The following ATP11B variants were observed in gnomAD, a reference collection of about 807,000 sequenced individuals.
The protein encoded by ATP11B is phospholipid-transporting ATPase IF.
Under a neutral mutation model 157.8 loss-of-function variants are expected in ATP11B, and 81 were observed. The ratio of observed to expected loss-of-function variants is 0.51; its 90% CI spans 0.43 to 0.62. The LOEUF (loss-of-function observed/expected upper bound fraction) is 0.62, where lower values mean the gene tolerates loss of function less well. Ranked by LOEUF, ATP11B falls within the 20% of genes least tolerant of loss-of-function variation. The probability of loss-of-function intolerance (pLI) is 0.00; values close to 1 mark genes in which losing one functional copy is unlikely to be tolerated. For missense variants in ATP11B, 1,165 were observed against 1,402.2 expected, an observed-to-expected ratio of 0.83 and a Z score of 2.70; for synonymous variants, 451 against 469.4, an observed-to-expected ratio of 0.96 and a Z score of 0.51.
intron 1 of ATP11B, among the ~76,000 whole-genome samples, chr3:182,805,876 C>T (rs919884272): frequency 6.6e-6 from 1 of 152,108 alleles, no homozygotes; most frequent in African/African-American, 2.4e-5. Flanking sequence ...AATATTTTCT[C>T]CCATAATGTG....
At chr3:182,897,857 T>C (rs1723663888) in intron 27 of ATP11B, among the ~76,000 whole-genome samples, 1 of 152,122 alleles carries the variant, frequency 6.6e-6, no homozygotes, top group African/African-American at 2.4e-5. Context: ...GTATGCATCA[T>C]CTTCATTGAT....
chr3:182,908,191 A>ATTTT (rs1724508207), intron 28 of ATP11B, among the ~76,000 whole-genome samples: 1 of 95,916 alleles, frequency 1.0e-5, no homozygotes. Context: ...TCATATTATT[A>ATTTT]TTTTCTTTTT....
In ATP11B at chr3:182,898,173, A is replaced by C. The variant is rs75890904; in HGVS notation, c.3153-434A>C. On this transcript the variant is annotated intron_variant, in intron 27 of 29. Coordinates refer to ENST00000323116, the MANE Select transcript of ATP11B (RefSeq NM_014616.3). Reference sequence around the variant, plus strand: ...AACCCAAAAAGAATATCTTTATAACACTTACTACTATGTAAAACTAGTATT... The same window carrying C: ...AACCCAAAAAGAATATCTTTATAACCCTTACTACTATGTAAAACTAGTATT... 2.6e-4 allele frequency among the ~76,000 whole-genome samples: 39 copies of C among 152,216 alleles called. 1 individual carries two copies. The East Asian group carries it at 7.3e-3, about 29-fold the overall frequency.
intron 29 of ATP11B, chr3:182,915,203 A>G (rs1725060530): frequency 1.0e-6 from 1 of 985,308 alleles, no homozygotes; most frequent in Admixed American, 6.2e-5. Flanking sequence ...TAGCTTAGCC[A>G]TGCCTTTATG....
chr3:182,918,334 T>C lies in ATP11B; in HGVS notation c.*230T>C. The C allele has an allele frequency of 1.9e-6, 1 of 513,720 alleles. No individual in the cohort carries two copies. The highest frequency in any genetic ancestry group is 3.2e-6 in the Non-Finnish European group (1 of 317,298). 31.8% of individuals were successfully genotyped at this position (513,720 alleles called of 1,614,324 possible). A position where few individuals can be genotyped will look rare whatever the true frequency, so the allele number is the denominator to read the frequency against. On this transcript the variant is annotated 3_prime_UTR_variant, in exon 30 of 30. Transcript: ENST00000323116. ...AAAATTTGAGAATAAAGAGACATTT[T>C]TCATCTCTTTGTCTGGTTTGTCCCT...
At chr3:182,805,240 C>T (rs775631957) in intron 1 of ATP11B, among the ~76,000 whole-genome samples, 2 of 152,202 alleles carry the variant, frequency 1.3e-5, no homozygotes, top group African/African-American at 2.4e-5. Context: ...TACATTCCCA[C>T]TAGCAATGTA....
chr3:182,871,419 A>G (rs1721647688), intron 17 of ATP11B, among the ~76,000 whole-genome samples: 1 of 152,230 alleles, frequency 6.6e-6, no homozygotes. Flanking sequence ...CTATAAGAAA[A>G]CTTTGGCCCT....
At chr3:182,915,239 T>C in intron 29 of ATP11B, 1 of 985,370 alleles carries the variant, frequency 1.0e-6, no homozygotes, top group Non-Finnish European at 1.2e-6. Flanking sequence ...TAAATAGCAT[T>C]CTTATGTTAA....
At chr3:182,897,157 A>G (rs1432702779) in intron 26 of ATP11B, 146 bp from the exon 27 acceptor site, 2 of 551,598 alleles carry the variant, frequency 3.6e-6, no homozygotes, top group Non-Finnish European at 6.5e-6. Flanking sequence ...CTTTTCATTC[A>G]TATTTATCTC....
At chr3:182,906,419 GCTATTCAACAAA>G (rs1724352512) in intron 28 of ATP11B, among the ~76,000 whole-genome samples, 1 of 152,064 alleles carries the variant, frequency 6.6e-6, no homozygotes. Flanking sequence ...GCTGACTGCT[GCTATTCAACAAA>G]CTTTCCATTC....
intron 1 of ATP11B, among the ~76,000 whole-genome samples, chr3:182,809,352 G>A (rs1052617545): frequency 2.0e-5 from 3 of 152,030 alleles, no homozygotes; most frequent in Non-Finnish European, 2.9e-5. Flanking sequence ...GGGTTCAAGC[G>A]ATTCTCCTGC....
At chr3:182,863,655 A>G (rs1721018450) in intron 12 of ATP11B, among the ~76,000 whole-genome samples, 1 of 152,012 alleles carries the variant, frequency 6.6e-6, no homozygotes, top group African/African-American at 2.4e-5. Flanking sequence ...AGGAAGGTTT[A>G]CAGTGATGAC....
intron 1 of ATP11B, among the ~76,000 whole-genome samples, chr3:182,818,432 A>G (rs1488502540): frequency 6.6e-6 from 1 of 152,258 alleles, no homozygotes; most frequent in East Asian, 1.9e-4. Flanking sequence ...TTGAAATCAG[A>G]CACATAATGC....
chr3:182,818,752 A>T (rs528562055), intron 1 of ATP11B, among the ~76,000 whole-genome samples: 1 of 152,294 alleles, frequency 6.6e-6, no homozygotes, highest in South Asian at 2.1e-4. Flanking sequence ...TGCTACAAGG[A>T]TGCTAAGTGT....
In ATP11B at chr3:182,837,194, A is replaced by G. The variant is rs779790301; in HGVS notation, c.656+20A>G. ...ATACAGGTATGGTGTGATATTCAGT[A>G]TACTTATTTTAAGTCCTATTTACAG... On this transcript the variant is annotated intron_variant, in intron 7 of 29. Transcript: ENST00000323116. 4.0e-6 allele frequency: 6 copies of G among 1,514,248 alleles called. No homozygotes were observed. Among genetic ancestry groups the G allele is most frequent in the South Asian group, 2.3e-5 (2 of 85,296 alleles). The allele number at this position is 1,514,248 out of a possible 1,614,324, so 93.8% of individuals were successfully genotyped here. A position where few individuals can be genotyped will look rare whatever the true frequency, so the allele number is the denominator to read the frequency against.
intron 10 of ATP11B, among the ~76,000 whole-genome samples, chr3:182,854,919 C>A (rs535559187): frequency 1.5e-4 from 23 of 152,044 alleles, no homozygotes; most frequent in East Asian, 1.2e-3. Flanking sequence ...GGAAAGAAAT[C>A]AAAGATCTAA....
intron 10 of ATP11B, among the ~76,000 whole-genome samples, chr3:182,855,746 T>C (rs1720345804): frequency 6.6e-6 from 1 of 152,100 alleles, no homozygotes; most frequent in African/African-American, 2.4e-5. Flanking sequence ...GCATAATACA[T>C]ATTTCACCAG....
intron 28 of ATP11B, among the ~76,000 whole-genome samples, chr3:182,908,972 A>G (rs1724577655): frequency 6.6e-6 from 1 of 152,192 alleles, no homozygotes; most frequent in African/African-American, 2.4e-5. Context: ...TATATAGAAC[A>G]CCTTTAAGGG....
chr3:182,874,086 T>C lies in ATP11B; in HGVS notation c.2252+71T>C, dbSNP rs113939043. The C allele has an allele frequency of 6.4e-4, 865 of 1,342,922 alleles. 6 individuals are homozygous for C. In the African/African-American group the frequency reaches 0.011, roughly 18 times the overall value. The allele number at this position is 1,342,922 out of a possible 1,614,324, so 83.2% of individuals were successfully genotyped here. A position where few individuals can be genotyped will look rare whatever the true frequency, so the allele number is the denominator to read the frequency against. On this transcript the variant is annotated intron_variant, in intron 19 of 29. Transcript: ENST00000323116. ...CTATGGTTCCCTGGGCCCGATGATA[T>C]AGCCCACTGTCACTGCCTGTTTTTT...
Sources: gnomAD v4.1 joint callset for allele counts (sites outside exome capture counted in the v4.1 genomes callset) on GRCh38, gnomAD v4.1.1 for gene constraint, MANE v1.5 for transcripts, NCBI Gene and HGNC (gene_info 2026-07-23, HGNC 2026-07-21) for gene names.